Variants in ZNF865 observed in about 807,000 individuals in gnomAD.
The protein encoded by ZNF865 is zinc finger protein 865.
For synonymous variants in ZNF865, 763 were observed against 750.8 expected (o/e 1.02, Z -0.27); for missense variants, 1,311 against 1,593.4 (o/e 0.82, Z 3.02).
intron 1 of ZNF865, among the ~76,000 whole-genome samples, chr19:55,609,395 A>G (rs961228290): frequency 1.3e-5 from 2 of 152,112 alleles, no homozygotes; most frequent in Non-Finnish European, 1.5e-5. Flanking sequence ...GCTTGTAACC[A>G]TCTTCTAGGG....
Position 55,613,752 on chromosome 19 carries a change from T to C in ZNF865, c.134T>C (p.Met45Thr), listed in dbSNP as rs1417615207. Residue 45 changes from methionine to threonine, a missense_variant, in exon 2 of 2, where the codon ATG becomes ACG. Physicochemically the swap from Met to Thr is moderately conservative, Grantham distance 81 (BLOSUM62 -1). Transcript: ENST00000568956. ...EFLNHQRFEP[M>T]ELYGEHAKAV... ...CTCAACCACCAGCGCTTCGAGCCCA[T>C]GGAACTGTATGGGGAACACGCCAAG... is the stretch of plus-strand genomic sequence containing the variant. 4 of 1,534,376 alleles carry C rather than the reference T, an allele frequency of 2.6e-6. No individual in the cohort carries two copies. In the African/African-American group the frequency reaches 4.1e-5, roughly 16 times the overall value.
Position 55,614,622 on chromosome 19 carries a change from G to A in ZNF865, c.1004G>A (p.Gly335Asp), listed in dbSNP as rs1433148090. 6.5e-7 allele frequency: 1 copy of A among 1,530,242 alleles called. No individual in the cohort carries two copies. The highest frequency in any genetic ancestry group is 8.7e-7 in the Non-Finnish European group (1 of 1,144,372). The allele number at this position is 1,530,242 out of a possible 1,614,324, so 94.8% of individuals were successfully genotyped here. Residue 335 changes from glycine to aspartate, a missense_variant, in exon 2 of 2, where the codon GGT becomes GAT. Transcript: ENST00000568956. The surrounding 1 kb of genome is among the most constrained non-coding windows in gnomAD (Gnocchi z 8.0). Reference sequence around the variant, plus strand: ...GCAGACGGGAGCGCCGCCCCTGCTGGTGTTGGGGTGCCCCCTCCTGCCACC... The same window carrying A: ...GCAGACGGGAGCGCCGCCCCTGCTGATGTTGGGGTGCCCCCTCCTGCCACC... The part of the protein sequence containing the change: ...PSADGSAAPA[G>D]VGVPPPATGG...
Position 55,614,129 on chromosome 19 carries a change from C to T in ZNF865, c.511C>T (p.Pro171Ser), listed in dbSNP as rs976426112. The stretch of plus-strand genomic sequence containing the variant: ...GAAGCGAGGAGGGCCCGCGTCCGGG[C>T]CGGGGGTGACGCCTGGGCTGGGCGC... The part of the protein sequence containing the change: ...NLKRGGPASG[P>S]GVTPGLGAPA... The change falls in exon 2 of 2, where the codon CCG becomes TCG. Residue 171 changes from proline to serine, a missense_variant. By Grantham distance (74) the Pro-to-Ser change is moderately conservative. Coordinates refer to ENST00000568956, the MANE Select transcript of ZNF865 (RefSeq NM_001195605.2). This position sits in a 1 kb window ranked among gnomAD's most constrained non-coding sequence, Gnocchi z 8.0. 17 of 1,434,982 alleles carry T rather than the reference C, an allele frequency of 1.2e-5. 1 individual carries two copies. The Admixed American group carries it at 4.2e-4, about 35-fold the overall frequency. The allele number at this position is 1,434,982 out of a possible 1,614,324, so 88.9% of individuals were successfully genotyped here. A position where few individuals can be genotyped will look rare whatever the true frequency, so the allele number is the denominator to read the frequency against.
intron 1 of ZNF865, among the ~76,000 whole-genome samples, chr19:55,607,438 G>GGAA (rs1980983789): frequency 8.2e-6 from 1 of 121,644 alleles, no homozygotes; most frequent in Non-Finnish European, 1.6e-5. Context: ...TGTCTTTACA[G>GGAA]GAAAAAAAAA....
In ZNF865 at chr19:55,616,169, C is replaced by T; in HGVS notation, c.2551C>T (p.Pro851Ser). Residue 851 changes from proline (P) to serine (S), a missense_variant, in exon 2 of 2, where the codon CCG (proline) becomes TCG (serine). Pro to Ser is a moderately conservative substitution (Grantham distance 74). Coordinates refer to ENST00000568956, the MANE Select transcript of ZNF865 (RefSeq NM_001195605.2). ...SHRQKRGFRCPVCGKRFWEAA... is the reference protein window; with the variant it reads ...SHRQKRGFRCSVCGKRFWEAA... ...TCGGCAGAAGCGGGGTTTCCGCTGC[C>T]CGGTGTGCGGGAAGCGCTTCTGGGA... is the stretch of plus-strand genomic sequence containing the variant. The T allele has an allele frequency of 6.6e-7, 1 of 1,514,170 alleles. No individual in the cohort carries two copies. Among genetic ancestry groups the T allele is most frequent in the Non-Finnish European group, 8.8e-7 (1 of 1,135,040 alleles). The allele number at this position is 1,514,170 out of a possible 1,614,324, so 93.8% of individuals were successfully genotyped here.
At position 55,608,021 on chromosome 19, in the gene ZNF865, G is replaced by C. The variant is rs150854189; in HGVS notation, c.-27+2289G>C. Among the ~76,000 whole-genome samples, 148 of 152,336 alleles carry C rather than the reference G, an allele frequency of 9.7e-4. 1 individual carries two copies. The highest frequency in any genetic ancestry group is 3.5e-3 in the African/African-American group (145 of 41,590). On this transcript the variant is annotated intron_variant, in intron 1 of 1. Transcript: ENST00000568956. ...AGACCAACAAAATCAAGGCAAAGAA[G>C]TAGATTATGTGAGGTTATAAATGAT...
chr19:55,615,345 A>G lies in ZNF865; in HGVS notation c.1727A>G (p.Lys576Arg), dbSNP rs1421238506. 1 of 1,516,272 alleles carries G rather than the reference A, an allele frequency of 6.6e-7. No individual in the cohort carries two copies. The highest frequency in any genetic ancestry group is 2.1e-5 in the Admixed American group (1 of 46,768). 93.9% of individuals were successfully genotyped at this position (1,516,272 alleles called of 1,614,324 possible). A position where few individuals can be genotyped will look rare whatever the true frequency, so the allele number is the denominator to read the frequency against. Reference sequence around the variant, plus strand: ...CATGAGCGCATCCACACGGGCGAGAAGCCCCACCAGTGCCCCGTGTGTGGG... The same window carrying G: ...CATGAGCGCATCCACACGGGCGAGAGGCCCCACCAGTGCCCCGTGTGTGGG... The part of the protein sequence containing the change: ...KRHERIHTGE[K>R]PHQCPVCGKR... The change falls in exon 2 of 2, where the codon AAG (lysine) becomes AGG (arginine). Residue 576 changes from lysine (K) to arginine (R), a missense_variant. Physicochemically the swap from Lys to Arg is conservative, Grantham distance 26. Coordinates refer to ENST00000568956, the MANE Select transcript of ZNF865 (RefSeq NM_001195605.2).
Position 55,615,136 on chromosome 19 carries a change from G to GGCGGCGGCC in ZNF865, c.1527_1535dup (p.Ala510_Ala512dup). ...CTCCCACCACAGACAGCGAGAAGGC[G>GGCGGCGGCC]GCGGCGGCCGCGGCGGCGGTGGTGT... On this transcript the variant is annotated inframe_insertion, in exon 2 of 2. Coordinates refer to ENST00000568956, the MANE Select transcript of ZNF865 (RefSeq NM_001195605.2). The GGCGGCGGCC allele has an allele frequency of 6.7e-6, 8 of 1,192,290 alleles. No homozygotes were observed. Among genetic ancestry groups the GGCGGCGGCC allele is most frequent in the Non-Finnish European group, 8.3e-6 (8 of 961,782 alleles). The allele number at this position is 1,192,290 out of a possible 1,614,324, so 73.9% of individuals were successfully genotyped here. A position where few individuals can be genotyped will look rare whatever the true frequency, so the allele number is the denominator to read the frequency against.
chr19:55,608,932 A>G (rs531801450), intron 1 of ZNF865, among the ~76,000 whole-genome samples: 1 of 152,272 alleles, frequency 6.6e-6, no homozygotes, highest in East Asian at 1.9e-4. Context: ...AGGGAGAAAT[A>G]CCGAAAGACA....
chr19:55,611,112 C>T lies in ZNF865; in HGVS notation c.-26-2481C>T, dbSNP rs1453769813. ...AGCCCATTGATCCAGACTCCTACTC[C>T]GTGACCATGGCAACTCACTTTGCCT... On this transcript the variant is annotated intron_variant, in intron 1 of 1. Coordinates refer to ENST00000568956, the MANE Select transcript of ZNF865 (RefSeq NM_001195605.2). This position sits in a 1 kb window ranked among gnomAD's most constrained non-coding sequence, Gnocchi z 4.5. Among the ~76,000 whole-genome samples, 13 of 152,304 alleles carry T rather than the reference C, an allele frequency of 8.5e-5. No homozygotes were observed. The highest frequency in any genetic ancestry group is 2.6e-4 in the African/African-American group (11 of 41,560).
At position 55,614,497 on chromosome 19, in the gene ZNF865, G is replaced by T. The variant is rs1417223948; in HGVS notation, c.879G>T (p.Pro293=). 1.2e-4 allele frequency: 127 copies of T among 1,101,718 alleles called. No homozygotes were observed. The highest frequency in any genetic ancestry group is 1.3e-4 in the Non-Finnish European group (113 of 862,722). 68.2% of individuals were successfully genotyped at this position (1,101,718 alleles called of 1,614,324 possible). A position where few individuals can be genotyped will look rare whatever the true frequency, so the allele number is the denominator to read the frequency against. ...CCCAGCCCGGCCCCCACCTCCCGCC[G>T]CTGGGCCTCCCAGCACCCGCTGCCA... The part of the protein sequence containing the change: ...GPPQPGPHLP[P]LGLPAPAASA... Residue 293 remains proline, a synonymous_variant, in exon 2 of 2, where the codon CCG becomes CCT. Coordinates refer to ENST00000568956, the MANE Select transcript of ZNF865 (RefSeq NM_001195605.2). This position sits in a 1 kb window ranked among gnomAD's most constrained non-coding sequence, Gnocchi z 8.0.
chr19:55,616,921 C>A lies in ZNF865; in HGVS notation c.*123C>A. On this transcript the variant is annotated 3_prime_UTR_variant, in exon 2 of 2. Coordinates refer to ENST00000568956, the MANE Select transcript of ZNF865 (RefSeq NM_001195605.2). ...TCCTTCAGAACTTCACACGGACTGG[C>A]GACCTTCAGGGCGCACGCCCGACAG... 2 of 1,131,486 alleles carry A rather than the reference C, an allele frequency of 1.8e-6. No homozygotes were observed. The highest frequency in any genetic ancestry group is 1.9e-5 in the South Asian group (1 of 51,288). 70.1% of individuals were successfully genotyped at this position (1,131,486 alleles called of 1,614,324 possible). A position where few individuals can be genotyped will look rare whatever the true frequency, so the allele number is the denominator to read the frequency against.
intron 1 of ZNF865, among the ~76,000 whole-genome samples, chr19:55,606,114 C>T (rs984102706): frequency 2.0e-5 from 3 of 152,132 alleles, no homozygotes; most frequent in Admixed American, 6.6e-5. Context: ...CGTGAACCCT[C>T]TTATTAGTAT....
rs964415757 is a variant in ZNF865, at chr19:55,608,556, C to T, written c.-27+2824C>T. On this transcript the variant is annotated intron_variant, in intron 1 of 1. Coordinates refer to ENST00000568956, the MANE Select transcript of ZNF865 (RefSeq NM_001195605.2). ...CTCAAACTCCCGACCTCAGGTGATC[C>T]GCCTGCCTTGGCCTCCAAAAATGCT... Among the ~76,000 whole-genome samples, 6 of 152,028 alleles carry T rather than the reference C, an allele frequency of 3.9e-5. No individual in the cohort carries two copies. The East Asian group carries it at 7.7e-4, about 20-fold the overall frequency.
At position 55,614,632 on chromosome 19, in the gene ZNF865, G is replaced by A. The variant is rs1021029763; in HGVS notation, c.1014G>A (p.Val338=). The A allele has an allele frequency of 3.9e-6, 6 of 1,531,282 alleles. No homozygotes were observed. The highest frequency in any genetic ancestry group is 5.2e-6 in the Non-Finnish European group (6 of 1,145,078). 94.9% of individuals were successfully genotyped at this position (1,531,282 alleles called of 1,614,324 possible). Residue 338 remains valine, a synonymous_variant, in exon 2 of 2, where the codon GTG becomes GTA. Coordinates refer to ENST00000568956, the MANE Select transcript of ZNF865 (RefSeq NM_001195605.2). This position sits in a 1 kb window ranked among gnomAD's most constrained non-coding sequence, Gnocchi z 8.0. The part of the protein sequence containing the change: ...DGSAAPAGVG[V]PPPATGGGDG... ...GCGCCGCCCCTGCTGGTGTTGGGGT[G>A]CCCCCTCCTGCCACCGGGGGTGGCG...
chr19:55,614,704 C>T lies in ZNF865; in HGVS notation c.1086C>T (p.Pro362=), dbSNP rs758190389. 6.3e-6 allele frequency: 10 copies of T among 1,581,876 alleles called. No homozygotes were observed. The South Asian group carries it at 1.1e-4, about 18-fold the overall frequency. The change falls in exon 2 of 2, where the codon CCC becomes CCT. Residue 362 remains proline, a synonymous_variant. Coordinates refer to ENST00000568956, the MANE Select transcript of ZNF865 (RefSeq NM_001195605.2). The surrounding 1 kb of genome is among the most constrained non-coding windows in gnomAD (Gnocchi z 8.0). ...TCTGCTGGAAGGTTTTCAAGAAGCC[C>T]AGTCACCTCCACCAGCACCAGATCA... ...CPLCWKVFKK[P]SHLHQHQIIH...
Position 55,614,452 on chromosome 19 carries a change from ACCGGCCGCGGGGGGCCCGCCCCAGC to A in ZNF865, c.841_865del (p.Ala281ProfsTer105). ...ACCGCCGCTGCCACAAGGACGTGCC[ACCGGCCGCGGGGGGCCCGCCCCAGC>A]CCGGCCCCCACCTCCCGCCGCTGGG... On this transcript the variant is annotated frameshift_variant, in exon 2 of 2. Transcript: ENST00000568956. LOFTEE classifies it low-confidence loss of function (END_TRUNC). This position sits in a 1 kb window ranked among gnomAD's most constrained non-coding sequence, Gnocchi z 8.0. 1 of 1,426,388 alleles carries A rather than the reference ACCGGCCGCGGGGGGCCCGCCCCAGC, an allele frequency of 7.0e-7. No homozygotes were observed. The highest frequency in any genetic ancestry group is 9.2e-7 in the Non-Finnish European group (1 of 1,089,674). 88.4% of individuals were successfully genotyped at this position (1,426,388 alleles called of 1,614,324 possible). A position where few individuals can be genotyped will look rare whatever the true frequency, so the allele number is the denominator to read the frequency against.
In ZNF865 at chr19:55,611,108, A is replaced by C. The variant is rs1223507504; in HGVS notation, c.-26-2485A>C. On this transcript the variant is annotated intron_variant, in intron 1 of 1. Transcript: ENST00000568956. The surrounding 1 kb of genome is among the most constrained non-coding windows in gnomAD (Gnocchi z 4.5). Reference sequence around the variant, plus strand: ...TTCAAGCCCATTGATCCAGACTCCTACTCCGTGACCATGGCAACTCACTTT... The same window carrying C: ...TTCAAGCCCATTGATCCAGACTCCTCCTCCGTGACCATGGCAACTCACTTT... 6.6e-6 allele frequency among the ~76,000 whole-genome samples: 1 copy of C among 151,996 alleles called. No homozygotes were observed. Among genetic ancestry groups the C allele is most frequent in the African/African-American group, 2.4e-5 (1 of 41,376 alleles).
Position 55,614,618 on chromosome 19 carries a change from G to A in ZNF865, c.1000G>A (p.Ala334Thr), listed in dbSNP as rs567026065. The A allele has an allele frequency of 9.2e-5, 140 of 1,528,438 alleles. 1 individual carries two copies. The African/African-American group carries it at 1.8e-3, about 19-fold the overall frequency. 94.7% of individuals were successfully genotyped at this position (1,528,438 alleles called of 1,614,324 possible). A position where few individuals can be genotyped will look rare whatever the true frequency, so the allele number is the denominator to read the frequency against. The change falls in exon 2 of 2, where the codon GCT (alanine) becomes ACT (threonine). Residue 334 changes from alanine (A) to threonine (T), a missense_variant. Physicochemically the swap from Ala to Thr is moderately conservative, Grantham distance 58 (BLOSUM62 0). Coordinates refer to ENST00000568956, the MANE Select transcript of ZNF865 (RefSeq NM_001195605.2). This position sits in a 1 kb window ranked among gnomAD's most constrained non-coding sequence, Gnocchi z 8.0. ...CTCCGCAGACGGGAGCGCCGCCCCT[G>A]CTGGTGTTGGGGTGCCCCCTCCTGC... ...APSADGSAAP[A>T]GVGVPPPATG...
Sources: gnomAD v4.1 joint callset for allele counts (sites outside exome capture counted in the v4.1 genomes callset) on GRCh38, gnomAD v4.1.1 for gene constraint, Gnocchi (gnomAD v3.1) non-coding constraint, MANE v1.5 for transcripts, NCBI Gene and HGNC (gene_info 2026-07-23, HGNC 2026-07-21) for gene names.